The following COL15A1 variants were observed in gnomAD, a reference collection of about 807,000 sequenced individuals.
COL15A1 encodes the protein collagen type XV alpha 1 chain.
Under a neutral mutation model 165.9 loss-of-function variants are expected in COL15A1, and 111 were observed. That is an observed-to-expected ratio of 0.67 (90% CI 0.57 to 0.78). COL15A1 has a LOEUF of 0.78. COL15A1 is among the 30% of genes least tolerant of loss of function. The pLI is 0.00. For synonymous variants in COL15A1, 659 were observed against 674.8 expected, an observed-to-expected ratio of 0.98 and a Z score of 0.36; for missense variants, 1,745 against 1,789.7, an observed-to-expected ratio of 0.98 and a Z score of 0.45.
intron 2 of COL15A1, among the ~76,000 whole-genome samples, chr9:98,965,957 G>A (rs1465707582): frequency 1.3e-5 from 2 of 151,930 alleles, no homozygotes; most frequent in Non-Finnish European, 2.9e-5. Flanking sequence ...TTTTTTTCCA[G>A]GGGACCCAAT....
chr9:99,047,913 T>C (rs1389942046), intron 27 of COL15A1, 28 bp from the exon 28 acceptor site: 2 of 1,609,632 alleles, frequency 1.2e-6, no homozygotes, highest in Admixed American at 3.3e-5. Context: ...GGCGGAGGGT[T>C]TACTGAGGTG....
chr9:98,988,491 C>A (rs1767365763), intron 4 of COL15A1, among the ~76,000 whole-genome samples: 1 of 152,138 alleles, frequency 6.6e-6, no homozygotes, highest in African/African-American at 2.4e-5. Flanking sequence ...GTAATTGTTC[C>A]CAGCGCAAGA....
intron 2 of COL15A1, among the ~76,000 whole-genome samples, chr9:98,974,287 T>G (rs1188838034): frequency 1.3e-5 from 2 of 152,148 alleles, no homozygotes; most frequent in African/African-American, 4.8e-5. Flanking sequence ...CCCCAGGTGG[T>G]GAGCTGCACT....
chr9:98,974,978 T>C (rs972168543), intron 2 of COL15A1, among the ~76,000 whole-genome samples: 1 of 150,506 alleles, frequency 6.6e-6, no homozygotes, highest in African/African-American at 2.5e-5. Flanking sequence ...CCTGCTCTCT[T>C]GGGTCCCTTA....
At position 99,025,890 on chromosome 9, in the gene COL15A1, C is replaced by G. The variant is rs374986586; in HGVS notation, c.1981-14C>G. Reference sequence around the variant, plus strand: ...CAGAAATGTTGTGGGTTGATTGTCACTGATGTTCCCCAGGGCCCTGAGGGA... The same window carrying G: ...CAGAAATGTTGTGGGTTGATTGTCAGTGATGTTCCCCAGGGCCCTGAGGGA... On this transcript the variant is annotated splice_polypyrimidine_tract_variant and intron_variant, in intron 15 of 41. Transcript: ENST00000375001. The G allele has an allele frequency of 3.7e-6, 6 of 1,611,772 alleles. No homozygotes were observed. The African/African-American group carries it at 8.0e-5, about 22-fold the overall frequency.
chr9:98,990,115 G>GCAGAA (rs1838392640), intron 5 of COL15A1, among the ~76,000 whole-genome samples: 2 of 152,224 alleles, frequency 1.3e-5, no homozygotes, highest in Admixed American at 6.5e-5. Context: ...ATGCAGCAGA[G>GCAGAA]CTGTGGATGC....
At chr9:98,983,164 G>A (rs937565813) in intron 2 of COL15A1, among the ~76,000 whole-genome samples, 2 of 152,286 alleles carry the variant, frequency 1.3e-5, no homozygotes, top group African/African-American at 4.8e-5. Context: ...ATTGAGGTTA[G>A]TACTGGCGGT....
At chr9:99,012,179 T>G (rs565894456) in intron 9 of COL15A1, among the ~76,000 whole-genome samples, 1 of 152,388 alleles carries the variant, frequency 6.6e-6, no homozygotes, top group South Asian at 2.1e-4. Flanking sequence ...TAAAACTAGC[T>G]TATTAAAGAC....
chr9:98,982,422 G>A (rs1017975990), intron 2 of COL15A1, among the ~76,000 whole-genome samples: 3 of 152,156 alleles, frequency 2.0e-5, no homozygotes, highest in Non-Finnish European at 2.9e-5. Context: ...CATCTCAGTT[G>A]GGAAGACCCA....
In COL15A1 at chr9:99,036,227, G is replaced by C. The variant is rs199692982; in HGVS notation, c.2325+22G>C. 3,095 of 1,613,028 alleles carry C rather than the reference G, an allele frequency of 1.9e-3. 8 individuals carry two copies. The highest frequency in any genetic ancestry group is 2.4e-3 in the Non-Finnish European group (2,821 of 1,179,110). On this transcript the variant is annotated intron_variant, in intron 20 of 41. Transcript: ENST00000375001. ...CAAGGTGAGGTCACAGAGCCAAGGT[G>C]GGGGTGGGAGGGCTTTCCAGCCTGG...
intron 2 of COL15A1, 74 bp downstream of exon 2, chr9:98,944,324 C>A: frequency 7.2e-7 from 1 of 1,383,848 alleles, no homozygotes; most frequent in Non-Finnish European, 1.0e-6. Flanking sequence ...GCGGCGGACG[C>A]GGCTGCGATG....
chr9:99,048,361 G>T (rs886270483), intron 28 of COL15A1, among the ~76,000 whole-genome samples: 3 of 152,020 alleles, frequency 2.0e-5, no homozygotes, highest in African/African-American at 7.3e-5. Flanking sequence ...ATCACTAGGG[G>T]CTCAGTGAGT....
intron 2 of COL15A1, among the ~76,000 whole-genome samples, chr9:98,958,768 T>C (rs867810393): frequency 6.6e-6 from 1 of 152,174 alleles, no homozygotes; most frequent in African/African-American, 2.4e-5. Flanking sequence ...TGCCCCGCAC[T>C]GGTTTAGTGG....
At chr9:98,972,380 T>C (rs1004836510) in intron 2 of COL15A1, among the ~76,000 whole-genome samples, 8 of 152,184 alleles carry the variant, frequency 5.3e-5, no homozygotes, top group Middle Eastern at 3.4e-3. Context: ...CTCCCAGGGG[T>C]GACTCTGATA....
chr9:99,060,077 G>A lies in COL15A1; in HGVS notation c.3402+124G>A, dbSNP rs925791487. 27 of 996,618 alleles carry A rather than the reference G, an allele frequency of 2.7e-5. No homozygotes were observed. In the South Asian group the frequency reaches 4.6e-4, roughly 17 times the overall value. 61.7% of individuals were successfully genotyped at this position (996,618 alleles called of 1,614,324 possible). On this transcript the variant is annotated intron_variant, in intron 36 of 41. Coordinates refer to ENST00000375001, the MANE Select transcript of COL15A1 (RefSeq NM_001855.5). ...AGGCCTTCATGATAGTAGGCTTGGT[G>A]CAATTCCATAAATAGTAGAAGGGAT...
intron 2 of COL15A1, among the ~76,000 whole-genome samples, chr9:98,979,440 T>C (rs1460396592): frequency 6.6e-6 from 1 of 152,230 alleles, no homozygotes; most frequent in Non-Finnish European, 1.5e-5. Context: ...ACTCATTCTA[T>C]CATTATGAAT....
At chr9:99,032,793 T>C (rs919616641) in intron 16 of COL15A1, among the ~76,000 whole-genome samples, 1 of 152,238 alleles carries the variant, frequency 6.6e-6, no homozygotes, top group African/African-American at 2.4e-5. Context: ...TCTCTTTAGG[T>C]GTGTCTATTC....
At chr9:99,053,186 C>T (rs965020616) in intron 31 of COL15A1, among the ~76,000 whole-genome samples, 2 of 152,244 alleles carry the variant, frequency 1.3e-5, no homozygotes, top group Non-Finnish European at 2.9e-5. Flanking sequence ...CACACCCTGT[C>T]ACGCCACTTG....
intron 9 of COL15A1, among the ~76,000 whole-genome samples, chr9:99,011,514 T>C (rs1246388017): frequency 1.3e-5 from 2 of 152,032 alleles, no homozygotes; most frequent in Non-Finnish European, 2.9e-5. Flanking sequence ...AAATTACCTC[T>C]TTATTTCTAT....
Sources: allele counts gnomAD v4.1 joint callset (sites outside exome capture counted in the v4.1 genomes callset), GRCh38; gene constraint gnomAD v4.1.1; transcripts MANE v1.5; gene names NCBI Gene and HGNC (gene_info 2026-07-23, HGNC 2026-07-21).